The following TUBB8B variants were observed in gnomAD, a reference collection of about 807,000 sequenced individuals.
TUBB8B encodes tubulin beta 8B.
In TUBB8B, 26 loss-of-function variants were observed where a neutral mutation model predicts 31.9. The ratio of observed to expected loss-of-function variants is 0.81; its 90% CI spans 0.60 to 1.13. The LOEUF (loss-of-function observed/expected upper bound fraction) is 1.13, where lower values mean the gene tolerates loss of function less well. TUBB8B is among the 50% of genes most tolerant of loss of function. The pLI is 0.00. For missense variants in TUBB8B, 467 were observed against 586.7 expected (o/e 0.80, Z 2.11); for synonymous variants, 173 against 231.0 (o/e 0.75, Z 2.28).
Position 48,120 on chromosome 18 carries a change from A to C in TUBB8B, c.605T>G (p.Ile202Arg), listed in dbSNP as rs762773846. 3.8e-5 allele frequency: 62 copies of C among 1,614,040 alleles called. No individual in the cohort carries two copies. The highest frequency in any genetic ancestry group is 5.0e-5 in the Non-Finnish European group (59 of 1,179,984). Residue 202 changes from isoleucine (I) to arginine (R), a missense_variant, in exon 4 of 4, where the codon ATA (isoleucine) becomes AGA (arginine). By Grantham distance (97) the Ile-to-Arg change is moderately conservative. Transcript: ENST00000308911. ...TATGTCATATAGCGCTTCGTTATCT[A>C]TGCAGAAGGTCTCATCCGCGTTTTC... Reference protein sequence around the residue: ...LIENADETFCIDNEALYDICS... With the variant: ...LIENADETFCRDNEALYDICS...
At chr18:52,035 A>T (rs1018882240), upstream of TUBB8B, among the ~76,000 whole-genome samples, 6 of 151,706 alleles carry the variant, frequency 4.0e-5, no homozygotes, top group Non-Finnish European at 7.4e-5. Context: ...TCTAGCAATA[A>T]GGCCTCACAC....
the TUBB8B span, among the ~76,000 whole-genome samples, chr18:57,819 T>C: frequency 6.6e-6 from 1 of 151,902 alleles, no homozygotes; most frequent in Non-Finnish European, 1.5e-5. Context: ...TATACATTAT[T>C]TGAAGTAAAG....
chr18:47,454 T>C lies in TUBB8B; in HGVS notation c.1271A>G (p.Gln424Arg). The C allele has an allele frequency of 6.9e-7, 1 of 1,439,130 alleles. No individual in the cohort carries two copies. 89.1% of individuals were successfully genotyped at this position (1,439,130 alleles called of 1,614,324 possible). A position where few individuals can be genotyped will look rare whatever the true frequency, so the allele number is the denominator to read the frequency against. Residue 424 changes from glutamine to arginine, a missense_variant, in exon 4 of 4, where the codon CAA becomes CGA. Around this residue, in one of 2 missense-constraint regions of TUBB8B, gnomAD observed 208 missense variants for 206.7 expected, o/e 1.01. Transcript: ENST00000308911. ...NMNDLVSEYQ[Q>R]YQDATAEEEE... Reference sequence around the variant, plus strand: ...CTCCTCGGCCGTGGCATCCTGATATTGCTGATATTCAGACACCAGGTCGTT... The same window carrying C: ...CTCCTCGGCCGTGGCATCCTGATATCGCTGATATTCAGACACCAGGTCGTT...
the TUBB8B span, among the ~76,000 whole-genome samples, chr18:68,406 G>T: frequency 3.9e-5 from 6 of 152,148 alleles, no homozygotes; most frequent in African/African-American, 1.4e-4. Flanking sequence ...TTCACTGCCT[G>T]CCCCAACTGG....
the TUBB8B span, among the ~76,000 whole-genome samples, chr18:71,951 G>A: frequency 6.6e-6 from 1 of 151,784 alleles, no homozygotes; most frequent in Admixed American, 6.6e-5. Flanking sequence ...GGCCAAGGCG[G>A]GTGGATCACG....
the TUBB8B span, among the ~76,000 whole-genome samples, chr18:72,029 A>T: frequency 6.6e-6 from 1 of 151,994 alleles, no homozygotes; most frequent in East Asian, 1.9e-4. Flanking sequence ...ATACAAAAAA[A>T]TTAGCTGGGC....
chr18:55,542 C>T, the TUBB8B span, among the ~76,000 whole-genome samples: 2 of 151,712 alleles, frequency 1.3e-5, 1 homozygote, highest in Non-Finnish European at 2.9e-5. Flanking sequence ...GTATGTGAAG[C>T]AAAGGGGGAA....
In TUBB8B at chr18:49,519, C is replaced by T. The variant is rs776045172; in HGVS notation, c.39G>A (p.Gly13=). 7.4e-6 allele frequency: 7 copies of T among 947,946 alleles called. No individual in the cohort carries two copies. The highest frequency in any genetic ancestry group is 4.2e-5 in the Admixed American group (2 of 47,094). The allele number at this position is 947,946 out of a possible 1,614,324, so 58.7% of individuals were successfully genotyped here. A position where few individuals can be genotyped will look rare whatever the true frequency, so the allele number is the denominator to read the frequency against. The change falls in exon 1 of 4, where the codon GGG becomes GGA. Residue 13 remains glycine, a synonymous_variant. Transcript: ENST00000308911. ...EIVLTQTGQC[G]NQIGAKFWEV... ...TGCCAACCTTGGCGCCGATCTGGTT[C>T]CCGCACTGCCCGGTCTGCGTGAGCA...
chr18:49,896 G>A (rs1296067333), upstream of TUBB8B: 2 of 511,370 alleles, frequency 3.9e-6, no homozygotes, highest in Admixed American at 2.3e-5. Flanking sequence ...GGGAGGGGAA[G>A]ACGCTTGTTT....
In TUBB8B at chr18:48,145, C is replaced by T; in HGVS notation, c.580G>A (p.Glu194Lys). 6.2e-7 allele frequency: 1 copy of T among 1,614,138 alleles called. No homozygotes were observed. Among genetic ancestry groups the T allele is most frequent in the Non-Finnish European group, 8.5e-7 (1 of 1,179,948 alleles). The change falls in exon 4 of 4, where the codon GAA (glutamate) becomes AAA (lysine). Residue 194 changes from glutamate to lysine, a missense_variant. Physicochemically the swap from Glu to Lys is moderately conservative, Grantham distance 56. Coordinates refer to ENST00000308911, the MANE Select transcript of TUBB8B (RefSeq NM_001358689.2). Reference protein sequence around the residue: ...NATLSVHQLIENADETFCIDN... With the variant: ...NATLSVHQLIKNADETFCIDN... ...ATGCAGAAGGTCTCATCCGCGTTTT[C>T]TATGAGCTGGTGGACTGAGAGGGTG... is the stretch of plus-strand genomic sequence containing the variant.
Position 47,382 on chromosome 18 carries a change from G to A in TUBB8B, c.*8C>T, listed in dbSNP as rs1376269228. On this transcript the variant is annotated 3_prime_UTR_variant, in exon 4 of 4. Transcript: ENST00000308911. ...CTGCTTCCCCCCTTTACCTAGAAAAGGAGAGTTCTAGGCCACCTCCTCCTC... is the reference window on the plus strand; with the variant it reads ...CTGCTTCCCCCCTTTACCTAGAAAAAGAGAGTTCTAGGCCACCTCCTCCTC... 4 of 833,164 alleles carry A rather than the reference G, an allele frequency of 4.8e-6. No homozygotes were observed. In the Admixed American group the frequency reaches 8.1e-5, roughly 17 times the overall value. The allele number at this position is 833,164 out of a possible 1,614,324, so 51.6% of individuals were successfully genotyped here.
chr18:60,424 T>G, the TUBB8B span, among the ~76,000 whole-genome samples: 15 of 151,724 alleles, frequency 9.9e-5, no homozygotes, highest in Non-Finnish European at 1.9e-4. Context: ...AACCAACTTT[T>G]TGTTTCATTG....
chr18:67,703 GTT>G, the TUBB8B span, among the ~76,000 whole-genome samples: 1 of 152,154 alleles, frequency 6.6e-6, no homozygotes. Flanking sequence ...CTGTGAAGGT[GTT>G]TTCAGAAGAG....
rs1486723371 is a variant in TUBB8B at position 47,245 on chromosome 18, A to G, written c.*145T>C. 1.1e-5 allele frequency: 6 copies of G among 553,784 alleles called. No individual in the cohort carries two copies. In the African/African-American group the frequency reaches 1.2e-4, roughly 11 times the overall value. The allele number at this position is 553,784 out of a possible 1,614,324, so 34.3% of individuals were successfully genotyped here. ...CCAGATGCTGTGAGAATACTTTATT[A>G]GTCAAAACCGCATACTATAAAAATG... On this transcript the variant is annotated 3_prime_UTR_variant, in exon 4 of 4. Transcript: ENST00000308911.
the TUBB8B span, among the ~76,000 whole-genome samples, chr18:67,383 C>T: frequency 6.6e-6 from 1 of 152,124 alleles, no homozygotes; most frequent in Non-Finnish European, 1.5e-5. Flanking sequence ...CACACTGTCA[C>T]CCAGGCTGGA....
chr18:62,389 G>C, the TUBB8B span, among the ~76,000 whole-genome samples: 1 of 146,282 alleles, frequency 6.8e-6, no homozygotes, highest in East Asian at 2.0e-4. Context: ...TTGGGGAATT[G>C]TTTTTAATAT....
At chr18:62,282 T>C in the TUBB8B span, among the ~76,000 whole-genome samples, 1 of 151,872 alleles carries the variant, frequency 6.6e-6, no homozygotes, top group East Asian at 1.9e-4. Flanking sequence ...ATCCTTAACC[T>C]TTGGGTGTTC....
chr18:50,188 G>T (rs1043804731), upstream of TUBB8B: 1 of 262,512 alleles, frequency 3.8e-6, no homozygotes, highest in African/African-American at 2.2e-5. Context: ...GGTAATATTG[G>T]ATTCTTAAAG....
At chr18:60,570 C>G in the TUBB8B span, among the ~76,000 whole-genome samples, 2 of 151,534 alleles carry the variant, frequency 1.3e-5, no homozygotes, top group Non-Finnish European at 2.9e-5. Context: ...TGCAGCTTTT[C>G]TGATTTTTAT....
Sources: allele counts gnomAD v4.1 joint callset (sites outside exome capture counted in the v4.1 genomes callset), GRCh38; gene constraint gnomAD v4.1.1; regional missense constraint gnomAD v4.1.1; transcripts MANE v1.5; gene names NCBI Gene and HGNC (gene_info 2026-07-23, HGNC 2026-07-21).